The following LRPAP1 variants were observed in gnomAD, a reference collection of about 807,000 sequenced individuals.
LRPAP1 encodes the protein LDL receptor related protein associated protein 1.
Under a neutral mutation model 39.9 loss-of-function variants are expected in LRPAP1, and 41 were observed. The ratio of observed to expected loss-of-function variants is 1.03; its 90% CI spans 0.80 to 1.33. The LOEUF (loss-of-function observed/expected upper bound fraction) is 1.33, where lower values mean the gene tolerates loss of function less well. Among genes scored for constraint, LRPAP1 ranks in the 40% most tolerant of loss-of-function variants. The pLI, the probability that LRPAP1 is intolerant of heterozygous loss-of-function variation, is 0.00. For synonymous variants in LRPAP1, 263 were observed against 212.7 expected (o/e 1.24, Z -2.06); for missense variants, 565 against 482.3 (o/e 1.17, Z -1.61).
rs1270309230 is a variant in LRPAP1 at position 3,512,279 on chromosome 4, T to A, written c.*695A>T. 1 of 152,412 alleles carries A rather than the reference T, an allele frequency of 6.6e-6. No homozygotes were observed. Among genetic ancestry groups the A allele is most frequent in the African/African-American group, 2.4e-5 (1 of 41,434 alleles). The allele number at this position is 152,412 out of a possible 1,614,324, so 9.4% of individuals were successfully genotyped here. A position where few individuals can be genotyped will look rare whatever the true frequency, so the allele number is the denominator to read the frequency against. The stretch of plus-strand genomic sequence containing the variant: ...TTAGGGACACGGAGGCCCTGCAGGT[T>A]TGGTGAGGTCTCCCGAGGTCCCTGA... On this transcript the variant is annotated 3_prime_UTR_variant, in exon 8 of 8. Transcript: ENST00000650182.
chr4:3,519,364 T>C (rs983824205), intron 3 of LRPAP1, among the ~76,000 whole-genome samples: 2 of 152,168 alleles, frequency 1.3e-5, no homozygotes, highest in Admixed American at 1.3e-4. Flanking sequence ...CAGCCCCTCA[T>C]TGTCATCCCA....
chr4:3,525,632 C>G (rs114006567), intron 1 of LRPAP1, among the ~76,000 whole-genome samples: 167 of 152,244 alleles, frequency 1.1e-3, no homozygotes, highest in African/African-American at 3.7e-3. Context: ...CTGGCGTAGA[C>G]CACACAGGCA....
intron 2 of LRPAP1, among the ~76,000 whole-genome samples, chr4:3,520,661 A>G (rs1729884053): frequency 6.6e-6 from 1 of 152,256 alleles, no homozygotes; most frequent in Non-Finnish European, 1.5e-5. Flanking sequence ...CCACCTGCAG[A>G]CTGTGCAGGG....
intron 3 of LRPAP1, 123 bp from the exon 4 acceptor site, chr4:3,519,114 T>G (rs1729826845): frequency 1.4e-5 from 21 of 1,471,396 alleles, no homozygotes; most frequent in Non-Finnish European, 1.7e-5. Flanking sequence ...GGCCAGGTTC[T>G]TGGCCTCACG....
At chr4:3,515,518 C>T (rs555456167) in intron 6 of LRPAP1, among the ~76,000 whole-genome samples, 1 of 152,286 alleles carries the variant, frequency 6.6e-6, no homozygotes, top group South Asian at 2.1e-4. Flanking sequence ...GGCAGGACCA[C>T]ACCCACCTCC....
chr4:3,524,189 G>A (rs1458781385), intron 2 of LRPAP1, among the ~76,000 whole-genome samples: 3 of 152,194 alleles, frequency 2.0e-5, no homozygotes, highest in East Asian at 1.9e-4. Flanking sequence ...GGAGGATGGC[G>A]GAGGAGAGGG....
At chr4:3,516,529 G>C (rs1490967988) in intron 5 of LRPAP1, among the ~76,000 whole-genome samples, 3 of 152,262 alleles carry the variant, frequency 2.0e-5, no homozygotes, top group Non-Finnish European at 4.4e-5. Flanking sequence ...GCAGAGGATG[G>C]ACGTGGCCTG....
At position 3,512,546 on chromosome 4, in the gene LRPAP1, A is replaced by C; in HGVS notation, c.*428T>G. 1 of 166,418 alleles carries C rather than the reference A, an allele frequency of 6.0e-6. No homozygotes were observed. Among genetic ancestry groups the C allele is most frequent in the Non-Finnish European group, 1.3e-5 (1 of 76,734 alleles). The allele number at this position is 166,418 out of a possible 1,614,324, so 10.3% of individuals were successfully genotyped here. A position where few individuals can be genotyped will look rare whatever the true frequency, so the allele number is the denominator to read the frequency against. ...TCCGGCCCCAGCCACCAGGACACTT[A>C]GTGACCAGCCAACAAGCGGGTGGTT... On this transcript the variant is annotated 3_prime_UTR_variant, in exon 8 of 8. Coordinates refer to ENST00000650182, the MANE Select transcript of LRPAP1 (RefSeq NM_002337.4).
intron 1 of LRPAP1, among the ~76,000 whole-genome samples, chr4:3,527,755 G>C (rs1232614188): frequency 6.6e-6 from 1 of 152,214 alleles, no homozygotes; most frequent in Non-Finnish European, 1.5e-5. Flanking sequence ...CGGAGCTGAA[G>C]ACCCAGGGCT....
intron 1 of LRPAP1, among the ~76,000 whole-genome samples, chr4:3,527,702 A>G (rs1038587831): frequency 3.9e-5 from 6 of 152,180 alleles, no homozygotes; most frequent in African/African-American, 1.4e-4. Context: ...AGGGGAGAGG[A>G]TGCAGGTGTC....
Position 3,507,326 on chromosome 4 carries a change from G to C in LRPAP1, c.*5648C>G, listed in dbSNP as rs763517662. ...CAAATGGCCAAGAGCAGACAAAAAGGTGTCATGCCTCTGGCACCAGGGAAG... is the reference window on the plus strand; with the variant it reads ...CAAATGGCCAAGAGCAGACAAAAAGCTGTCATGCCTCTGGCACCAGGGAAG... On this transcript the variant is annotated 3_prime_UTR_variant, in exon 8 of 8. Coordinates refer to ENST00000650182, the MANE Select transcript of LRPAP1 (RefSeq NM_002337.4). 1.3e-5 allele frequency: 2 copies of C among 152,220 alleles called. No homozygotes were observed. Among genetic ancestry groups the C allele is most frequent in the Non-Finnish European group, 2.9e-5 (2 of 68,036 alleles). The allele number at this position is 152,220 out of a possible 1,614,324, so 9.4% of individuals were successfully genotyped here.
chr4:3,519,527 G>C (rs1466484789), intron 3 of LRPAP1, among the ~76,000 whole-genome samples: 1 of 152,198 alleles, frequency 6.6e-6, no homozygotes, highest in East Asian at 1.9e-4. Flanking sequence ...TCTAACTGTT[G>C]ACCCCAAATC....
At chr4:3,527,489 C>T (rs555490104) in intron 1 of LRPAP1, among the ~76,000 whole-genome samples, 16 of 152,356 alleles carry the variant, frequency 1.1e-4, no homozygotes, top group African/African-American at 3.6e-4. Context: ...AGGAACAGGT[C>T]TGCTTCCATC....
chr4:3,520,301 C>T, intron 2 of LRPAP1, 108 bp from the exon 3 acceptor site: 1 of 1,167,780 alleles, frequency 8.6e-7, no homozygotes, highest in Non-Finnish European at 1.2e-6. Context: ...CTCTCATTTT[C>T]CAGTAGTTTC....
intron 5 of LRPAP1, among the ~76,000 whole-genome samples, chr4:3,516,657 C>T (rs907707412): frequency 1.3e-5 from 2 of 152,214 alleles, no homozygotes; most frequent in African/African-American, 2.4e-5. Flanking sequence ...ATGTTGTGCT[C>T]GTGAAAGTCA....
In LRPAP1 at chr4:3,512,911, C is replaced by A; in HGVS notation, c.*63G>T. ...CGGCGGGCTGTCCACGGAAATGCCA[C>A]GGCCAAGAGCCCAGGTCCTTCACGC... is the stretch of plus-strand genomic sequence containing the variant. On this transcript the variant is annotated 3_prime_UTR_variant, in exon 8 of 8. Coordinates refer to ENST00000650182, the MANE Select transcript of LRPAP1 (RefSeq NM_002337.4). 1 of 1,480,684 alleles carries A rather than the reference C, an allele frequency of 6.8e-7. No individual in the cohort carries two copies. 91.7% of individuals were successfully genotyped at this position (1,480,684 alleles called of 1,614,324 possible).
rs754748866 is a variant in LRPAP1 at position 3,507,901 on chromosome 4, G to A, written c.*5073C>T. The A allele has an allele frequency of 8.5e-5, 13 of 152,212 alleles. No individual in the cohort carries two copies. Among genetic ancestry groups the A allele is most frequent in the Non-Finnish European group, 1.5e-4 (10 of 68,042 alleles). The allele number at this position is 152,212 out of a possible 1,614,324, so 9.4% of individuals were successfully genotyped here. ...TGAGAATGGACATCACTGCACAGAG[G>A]ATACTGTGAATGATTTATGTAAATT... is the stretch of plus-strand genomic sequence containing the variant. On this transcript the variant is annotated 3_prime_UTR_variant, in exon 8 of 8. Coordinates refer to ENST00000650182, the MANE Select transcript of LRPAP1 (RefSeq NM_002337.4).
rs1462206250 is a variant in LRPAP1 at position 3,518,947 on chromosome 4, G to C, written c.516C>G (p.Leu172=). 1.2e-6 allele frequency: 2 copies of C among 1,613,996 alleles called. No homozygotes were observed. Among genetic ancestry groups the C allele is most frequent in the East Asian group, 4.5e-5 (2 of 44,878 alleles). ...CTTTGTGATGCAGGAACTCCCGCCA[G>C]AGCTTGTCCAGTTCTTCGCCGGAGA... is the stretch of plus-strand genomic sequence containing the variant. ...GKFSGEELDK[L]WREFLHHKEK... Residue 172 remains leucine (L), a synonymous_variant, in exon 4 of 8, where the codon CTC becomes CTG. Coordinates refer to ENST00000650182, the MANE Select transcript of LRPAP1 (RefSeq NM_002337.4).
intron 7 of LRPAP1, 40 bp downstream of exon 7, chr4:3,514,712 G>A (rs1229014207): frequency 1.3e-6 from 2 of 1,560,886 alleles, no homozygotes; most frequent in South Asian, 2.3e-5. Context: ...CTTTCCTGCA[G>A]GGGAACTGTG....
Sources: allele counts gnomAD v4.1 joint callset (sites outside exome capture counted in the v4.1 genomes callset), GRCh38; gene constraint gnomAD v4.1.1; transcripts MANE v1.5; gene names NCBI Gene and HGNC (gene_info 2026-07-23, HGNC 2026-07-21).